Variants in PTRH1 observed in about 807,000 individuals in gnomAD.
PTRH1 encodes the protein peptidyl-tRNA hydrolase.
In PTRH1, 13 loss-of-function variants were observed where a neutral mutation model predicts 15.7. That is an observed-to-expected ratio of 0.83 (90% CI 0.54 to 1.31). The LOEUF is 1.31. PTRH1 is among the 40% of genes most tolerant of loss of function. The probability of loss-of-function intolerance (pLI) is 0.00; values close to 1 mark genes in which losing one functional copy is unlikely to be tolerated. For synonymous variants in PTRH1, 139 were observed against 136.7 expected (o/e 1.02, Z -0.12); for missense variants, 319 against 296.2 (o/e 1.08, Z -0.56).
At chr9:127,697,240 C>T (rs1842568578) in intron 1 of PTRH1, among the ~76,000 whole-genome samples, 2 of 152,172 alleles carry the variant, frequency 1.3e-5, no homozygotes, top group African/African-American at 2.4e-5. Context: ...AGAAGACATT[C>T]TAGAATGAAA....
chr9:127,711,819 G>A (rs1218847016), downstream of PTRH1: 4 of 1,562,560 alleles, frequency 2.6e-6, no homozygotes, highest in South Asian at 3.5e-5. Flanking sequence ...CGCACCCGCA[G>A]ATCATCCTCA....
chr9:127,698,136 T>C lies in PTRH1; in HGVS notation c.206-2995A>G, dbSNP rs900176770. Among the ~76,000 whole-genome samples the C allele has an allele frequency of 2.6e-5, 4 of 152,190 alleles. No individual in the cohort carries two copies. In the East Asian group the frequency reaches 7.7e-4, roughly 29 times the overall value. On this transcript the variant is annotated intron_variant, in intron 1 of 2. Coordinates refer to the PTRH1 transcript ENST00000335223. ...GGGCAGAAGTTTGGTGGCGTGTGCC[T>C]GTAGTCCTAACTACTTGGGAGGCTC...
At chr9:127,713,091 C>A, downstream of PTRH1, 2 of 1,613,690 alleles carry the variant, frequency 1.2e-6, no homozygotes, top group Non-Finnish European at 1.7e-6. Flanking sequence ...CCCTACCAGC[C>A]GGGGGATCTA....
rs551637465 is a variant in PTRH1 at position 127,705,303 on chromosome 9, G to A, written c.205+10132C>T. On this transcript the variant is annotated intron_variant, in intron 1 of 2. Transcript: ENST00000335223. The surrounding 1 kb of genome is among the most constrained non-coding windows in gnomAD (Gnocchi z 4.7). ...GACTACGGAAGGCAGCTGGAGAAGCGATAATGAGACAGTGCCCCCATGGCA... is the reference window on the plus strand; with the variant it reads ...GACTACGGAAGGCAGCTGGAGAAGCAATAATGAGACAGTGCCCCCATGGCA... 2.0e-5 allele frequency among the ~76,000 whole-genome samples: 3 copies of A among 152,332 alleles called. No homozygotes were observed. Among genetic ancestry groups the A allele is most frequent in the South Asian group, 4.1e-4 (2 of 4,828 alleles).
downstream of PTRH1, among the ~76,000 whole-genome samples, chr9:127,708,924 G>A (rs910896339): frequency 2.6e-5 from 4 of 152,250 alleles, no homozygotes; most frequent in Non-Finnish European, 4.4e-5. Flanking sequence ...AGAGCTGGCC[G>A]ACTGCAGCAG....
At chr9:127,712,424 G>A, downstream of PTRH1, 1 of 1,570,600 alleles carries the variant, frequency 6.4e-7, no homozygotes, top group Admixed American at 1.8e-5. Flanking sequence ...TGCAGAGAAG[G>A]GGCTGCCTCA....
At chr9:127,711,917 C>T, downstream of PTRH1, 1 of 1,605,320 alleles carries the variant, frequency 6.2e-7, no homozygotes, top group Non-Finnish European at 8.5e-7. Context: ...GAGCAGAGAT[C>T]CCTGCAGCTG....
rs1170297171 is a variant in PTRH1, at chr9:127,714,587, C to T, written c.416+16G>A. The T allele has an allele frequency of 6.2e-7, 1 of 1,611,416 alleles. No homozygotes were observed. The highest frequency in any genetic ancestry group is 1.1e-5 in the South Asian group (1 of 90,936). On this transcript the variant is annotated intron_variant, in intron 3 of 4. Coordinates refer to ENST00000543175, the MANE Select transcript of PTRH1 (RefSeq NM_001002913.3). ...CCTGAAGCCCTATCCCAACCCTGAC[C>T]ATCTCAGGACCTCACCTGGCACTGC... is the stretch of plus-strand genomic sequence containing the variant.
At chr9:127,697,620 C>T (rs987070565) in intron 1 of PTRH1, among the ~76,000 whole-genome samples, 3 of 152,150 alleles carry the variant, frequency 2.0e-5, no homozygotes, top group African/African-American at 4.8e-5. Flanking sequence ...AAGATCACAC[C>T]ACTGCACTCC....
intron 1 of PTRH1, among the ~76,000 whole-genome samples, chr9:127,704,413 G>A (rs1349247401): frequency 1.3e-5 from 2 of 151,144 alleles, no homozygotes; most frequent in African/African-American, 4.9e-5. Flanking sequence ...GGAGGCTGAG[G>A]CAGGAGAATC....
intron 1 of PTRH1, among the ~76,000 whole-genome samples, chr9:127,699,437 G>A (rs1266850696): frequency 2.0e-5 from 3 of 152,204 alleles, no homozygotes; most frequent in East Asian, 1.9e-4. Flanking sequence ...CCGGGCTTCC[G>A]GGGCTAGTAA....
chr9:127,694,598 A>G (rs1842539457), intron 2 of PTRH1, among the ~76,000 whole-genome samples: 2 of 151,504 alleles, frequency 1.3e-5, no homozygotes, highest in Admixed American at 1.3e-4. Context: ...CAACGGTGTT[A>G]AATATCCTTG....
intron 1 of PTRH1, among the ~76,000 whole-genome samples, chr9:127,700,665 G>A (rs1174013533): frequency 6.6e-6 from 1 of 152,118 alleles, no homozygotes; most frequent in East Asian, 1.9e-4. Flanking sequence ...CAGGACCTCG[G>A]GCCATGGCAG....
downstream of PTRH1, chr9:127,712,502 A>G: frequency 6.8e-7 from 1 of 1,465,774 alleles, no homozygotes; most frequent in Non-Finnish European, 9.1e-7. Context: ...TCTGGCCTTC[A>G]AAGATCCCTC....
chr9:127,712,645 T>A, downstream of PTRH1: 1 of 1,613,018 alleles, frequency 6.2e-7, no homozygotes, highest in Non-Finnish European at 8.5e-7. Context: ...AGGTTGGAAT[T>A]TCCTGGACGA....
chr9:127,711,791 A>G (rs1172594950), downstream of PTRH1: 2 of 1,548,130 alleles, frequency 1.3e-6, no homozygotes, highest in African/African-American at 1.4e-5. Flanking sequence ...GGGCAGGCTG[A>G]GGGCATGGCC....
At position 127,715,607 on chromosome 9, in the gene PTRH1, C is replaced by T. The variant is rs1435913936; in HGVS notation, c.33G>A (p.Gln11=). Residue 11 remains glutamine (Q), a synonymous_variant, in exon 1 of 5, where the codon CAG becomes CAA. Coordinates refer to ENST00000543175, the MANE Select transcript of PTRH1 (RefSeq NM_001002913.3). This position sits in a 1 kb window ranked among gnomAD's most constrained non-coding sequence, Gnocchi z 5.8. MRPGGFLGAG[Q]RLSRAMSRCV... is the part of the protein sequence containing the mutation. ...ATCGGCTCATGGCTCTACTCAGCCG[C>T]TGTCCGGCGCCCAAAAAGCCGCCCG... is the stretch of plus-strand genomic sequence containing the variant. 6.2e-7 allele frequency: 1 copy of T among 1,613,030 alleles called. No individual in the cohort carries two copies. Among genetic ancestry groups the T allele is most frequent in the Non-Finnish European group, 8.5e-7 (1 of 1,180,004 alleles).
Position 127,705,441 on chromosome 9 carries a change from C to T in PTRH1, c.205+9994G>A, listed in dbSNP as rs931913641. On this transcript the variant is annotated intron_variant, in intron 1 of 2. Transcript: ENST00000335223. The surrounding 1 kb of genome is among the most constrained non-coding windows in gnomAD (Gnocchi z 4.7). ...CCCCTCCCTGCCTAGAAGTTCAGCT[C>T]GTCCCTCTTGCCACGTGGTGCTGAC... is the stretch of plus-strand genomic sequence containing the variant. Among the ~76,000 whole-genome samples, 2 of 152,222 alleles carry T rather than the reference C, an allele frequency of 1.3e-5. No homozygotes were observed. The highest frequency in any genetic ancestry group is 2.4e-5 in the African/African-American group (1 of 41,462).
chr9:127,701,492 G>C (rs777067382), intron 1 of PTRH1, among the ~76,000 whole-genome samples: 2 of 152,182 alleles, frequency 1.3e-5, no homozygotes, highest in African/African-American at 4.8e-5. Flanking sequence ...TGCCAGACAG[G>C]CTCCAGCCCA....
Sources: gnomAD v4.1 joint callset for allele counts (sites outside exome capture counted in the v4.1 genomes callset) on GRCh38, gnomAD v4.1.1 for gene constraint, Gnocchi (gnomAD v3.1) non-coding constraint, MANE v1.5 for transcripts, NCBI Gene and HGNC (gene_info 2026-07-23, HGNC 2026-07-21) for gene names.